CDH13: variants seen among roughly 807,000 people sequenced by gnomAD.
CDH13 encodes cadherin 13.
Under a neutral mutation model 63.8 loss-of-function variants are expected in CDH13, and 24 were observed. The ratio of observed to expected loss-of-function variants is 0.38; its 90% CI spans 0.27 to 0.53. The LOEUF is 0.53. Ranked by LOEUF, CDH13 falls within the 20% of genes least tolerant of loss-of-function variation. The probability of loss-of-function intolerance (pLI) is 0.85; values close to 1 mark genes in which losing one functional copy is unlikely to be tolerated. For synonymous variants in CDH13, 503 were observed against 355.3 expected (o/e 1.42, Z -4.67); for missense variants, 1,049 against 903.1 (o/e 1.16, Z -2.07).
chr16:83,714,431 C>T (rs917397012), intron 10 of CDH13, among the ~76,000 whole-genome samples: 1 of 152,134 alleles, frequency 6.6e-6, no homozygotes, highest in African/African-American at 2.4e-5. Flanking sequence ...CTATGCTGCC[C>T]CAGTGAGCTC....
At chr16:83,044,097 C>G (rs1000987402) in intron 3 of CDH13, among the ~76,000 whole-genome samples, 13 of 152,124 alleles carry the variant, frequency 8.5e-5, no homozygotes, top group Non-Finnish European at 1.5e-4. Flanking sequence ...TAGAACATTG[C>G]CTTTGGCCTT....
intron 5 of CDH13, among the ~76,000 whole-genome samples, chr16:83,292,433 C>T (rs1441060929): frequency 6.6e-6 from 1 of 152,142 alleles, no homozygotes; most frequent in Non-Finnish European, 1.5e-5. Flanking sequence ...CTGCTAGCTG[C>T]CAAGAACTCT....
intron 8 of CDH13, among the ~76,000 whole-genome samples, chr16:83,626,058 T>C (rs958304868): frequency 6.6e-6 from 1 of 151,472 alleles, no homozygotes; most frequent in African/African-American, 2.4e-5. Flanking sequence ...TTGCCCAGGC[T>C]GGAGTGCAGT....
intron 3 of CDH13, among the ~76,000 whole-genome samples, chr16:83,069,423 G>T (rs551360891): frequency 8.5e-5 from 13 of 152,056 alleles, no homozygotes; most frequent in African/African-American, 2.9e-4. Context: ...CACCTACTAC[G>T]TGCCAGGCAT....
chr16:83,688,565 G>T (rs2150887276), intron 10 of CDH13, among the ~76,000 whole-genome samples: 1 of 152,326 alleles, frequency 6.6e-6, no homozygotes, highest in South Asian at 2.1e-4. Flanking sequence ...TTAATTAAAT[G>T]TGGTTACTGA....
intron 3 of CDH13, among the ~76,000 whole-genome samples, chr16:83,105,432 C>T (rs1172546747): frequency 6.6e-6 from 1 of 152,302 alleles, no homozygotes; most frequent in East Asian, 1.9e-4. Context: ...GCCAGCACTG[C>T]CTTCTGCCAG....
chr16:83,590,706 G>C (rs1428678252), intron 7 of CDH13, among the ~76,000 whole-genome samples: 1 of 152,084 alleles, frequency 6.6e-6, no homozygotes, highest in African/African-American at 2.4e-5. Context: ...AACATCTAAG[G>C]GTACATCTTG....
intron 5 of CDH13, among the ~76,000 whole-genome samples, chr16:83,316,872 TCTGGGCTGGGCTGGG>T (rs570464163): frequency 6.6e-6 from 1 of 152,086 alleles, no homozygotes; most frequent in African/African-American, 2.4e-5. Context: ...CTGAGCTTCA[TCTGGGCTGGGCTGGG>T]CTGGGCTGGG....
intron 1 of CDH13, among the ~76,000 whole-genome samples, chr16:82,651,179 T>C (rs1402011273): frequency 6.6e-6 from 1 of 152,234 alleles, no homozygotes; most frequent in Non-Finnish European, 1.5e-5. Context: ...GCTCCAATAA[T>C]TATTAATTTA....
At chr16:83,128,003 C>A (rs1047852998) in intron 4 of CDH13, among the ~76,000 whole-genome samples, 1 of 152,110 alleles carries the variant, frequency 6.6e-6, no homozygotes. Flanking sequence ...TGCCAAGGGA[C>A]CTGACTCCCC....
At chr16:83,211,824 T>A (rs1341759235) in intron 4 of CDH13, among the ~76,000 whole-genome samples, 1 of 151,982 alleles carries the variant, frequency 6.6e-6, no homozygotes, top group Non-Finnish European at 1.5e-5. Context: ...CTGTGTGCTA[T>A]TTACATGCCC....
chr16:83,645,758 G>T (rs1249943930), intron 8 of CDH13, among the ~76,000 whole-genome samples: 1 of 151,968 alleles, frequency 6.6e-6, no homozygotes, highest in African/African-American at 2.4e-5. Flanking sequence ...TAGAGCATAA[G>T]GGAAGGGGCA....
At chr16:82,636,432 C>T (rs906247000) in intron 1 of CDH13, among the ~76,000 whole-genome samples, 11 of 152,092 alleles carry the variant, frequency 7.2e-5, no homozygotes, top group Non-Finnish European at 1.0e-4. Flanking sequence ...ATAAAGTGAC[C>T]GACGTGCAGC....
chr16:82,837,339 C>G (rs895512063), intron 1 of CDH13, among the ~76,000 whole-genome samples: 1 of 152,058 alleles, frequency 6.6e-6, no homozygotes, highest in Non-Finnish European at 1.5e-5. Flanking sequence ...GTAAAGTGCT[C>G]CCCCCTGGTT....
chr16:83,366,385 C>G (rs2091258072), intron 6 of CDH13, among the ~76,000 whole-genome samples: 1 of 152,174 alleles, frequency 6.6e-6, no homozygotes, highest in African/African-American at 2.4e-5. Flanking sequence ...CACGAACCGT[C>G]TTTTGAGGAG....
intron 1 of CDH13, among the ~76,000 whole-genome samples, chr16:82,850,225 A>AT (rs2151150550): frequency 1.2e-5 from 1 of 86,836 alleles, no homozygotes; most frequent in East Asian, 8.1e-4. Flanking sequence ...TTTGTGATTC[A>AT]TGGGGGGTGG....
At chr16:83,753,703 T>G (rs768187081) in intron 11 of CDH13, among the ~76,000 whole-genome samples, 42 of 152,112 alleles carry the variant, frequency 2.8e-4, no homozygotes, top group Admixed American at 8.5e-4. Context: ...TAAATTGATT[T>G]CTCCAAACAA....
chr16:83,307,563 A>G (rs2089908330), intron 5 of CDH13, among the ~76,000 whole-genome samples: 1 of 152,238 alleles, frequency 6.6e-6, no homozygotes, highest in South Asian at 2.1e-4. Context: ...GGAAAGCTCT[A>G]TTTAACCATG....
rs964227193 is a variant in CDH13, at chr16:83,507,013, C to G, written c.960+20358C>G. On this transcript the variant is annotated intron_variant, in intron 7 of 13. Coordinates refer to ENST00000567109, the MANE Select transcript of CDH13 (RefSeq NM_001257.5). ...AAATGTTTTTAGTTGCTTTAAAGCA[C>G]TAAGTTTGGGGTAATTTTATTCAGC... Among the ~76,000 whole-genome samples the G allele has an allele frequency of 2.6e-5, 4 of 152,200 alleles. No homozygotes were observed. In the South Asian group the frequency reaches 6.2e-4, roughly 24 times the overall value.
Sources: gnomAD v4.1 joint callset for allele counts (sites outside exome capture counted in the v4.1 genomes callset) on GRCh38, gnomAD v4.1.1 for gene constraint, MANE v1.5 for transcripts, NCBI Gene and HGNC (gene_info 2026-07-23, HGNC 2026-07-21) for gene names.